The following ITIH2 variants were observed in gnomAD, a reference collection of about 807,000 sequenced individuals.
ITIH2 encodes inter-alpha-trypsin inhibitor heavy chain 2.
In ITIH2, 103 loss-of-function variants were observed where a neutral mutation model predicts 104.4. The ratio of observed to expected loss-of-function variants is 0.99; its 90% CI spans 0.84 to 1.16. The LOEUF is 1.16. ITIH2 is among the 50% of genes most tolerant of loss of function. The probability of loss-of-function intolerance (pLI) is 0.00; values close to 1 mark genes in which losing one functional copy is unlikely to be tolerated. For missense variants in ITIH2, 1,108 were observed against 1,162.4 expected, an observed-to-expected ratio of 0.95 and a Z score of 0.68; for synonymous variants, 436 against 435.4, an observed-to-expected ratio of 1.00 and a Z score of -0.02.
At chr10:7,727,454 T>C (rs1391499618) in intron 10 of ITIH2, among the ~76,000 whole-genome samples, 1 of 152,222 alleles carries the variant, frequency 6.6e-6, no homozygotes, top group African/African-American at 2.4e-5. Context: ...TTTAACAAGC[T>C]AACAGTCTGT....
At chr10:7,727,595 A>G (rs1231138910) in intron 10 of ITIH2, 108 bp from the exon 11 acceptor site, 15 of 1,301,084 alleles carry the variant, frequency 1.2e-5, no homozygotes, top group East Asian at 2.3e-5. Context: ...TTGGCATGGA[A>G]TAAGTGATGG....
chr10:7,719,874 A>T (rs1834885793), intron 6 of ITIH2, among the ~76,000 whole-genome samples: 1 of 148,088 alleles, frequency 6.8e-6, no homozygotes, highest in Non-Finnish European at 1.5e-5. Flanking sequence ...GAGCTGAATA[A>T]TGTGTACACG....
intron 16 of ITIH2, among the ~76,000 whole-genome samples, chr10:7,739,124 C>T (rs989872508): frequency 9.2e-5 from 14 of 152,242 alleles, no homozygotes; most frequent in Middle Eastern, 3.4e-3. Flanking sequence ...AATTTCTTTG[C>T]CTTTCCATTG....
intron 15 of ITIH2, among the ~76,000 whole-genome samples, chr10:7,735,381 G>A (rs1835044784): frequency 6.6e-6 from 1 of 152,080 alleles, no homozygotes; most frequent in African/African-American, 2.4e-5. Flanking sequence ...GGGCAACATA[G>A]CGAGACCCCA....
Position 7,709,051 on chromosome 10 carries a change from C to T in ITIH2, c.222C>T (p.Ser74=). 6 of 1,614,044 alleles carry T rather than the reference C, an allele frequency of 3.7e-6. No homozygotes were observed. The highest frequency in any genetic ancestry group is 5.1e-6 in the Non-Finnish European group (6 of 1,179,936). The change falls in exon 4 of 21, where the codon AGC becomes AGT. Residue 74 remains serine (S), a synonymous_variant. Transcript: ENST00000358415. ...MEEVDQVTLY[S]YKVQSTITSR... ...AGGTTGATCAAGTAACTCTTTATAG[C>T]TATAAAGTCCAGTCTACTATTACTT...
chr10:7,746,643 A>G lies in ITIH2; in HGVS notation c.2632A>G (p.Lys878Glu). Residue 878 changes from lysine to glutamate, a missense_variant, in exon 20 of 21, where the codon AAG becomes GAG. Coordinates refer to ENST00000358415, the MANE Select transcript of ITIH2 (RefSeq NM_002216.3). ...ACACATCTTCAATGAGAGACCAGGA[A>G]AGGACCCTGAGAAGCCAGAGGCCAG... is the stretch of plus-strand genomic sequence containing the variant. ...KIHIFNERPG[K>E]DPEKPEASME... The G allele has an allele frequency of 6.2e-7, 1 of 1,614,060 alleles. No homozygotes were observed. The highest frequency in any genetic ancestry group is 1.3e-5 in the African/African-American group (1 of 75,052).
In ITIH2 at chr10:7,719,124, G is replaced by A. The variant is rs111956865; in HGVS notation, c.630+1336G>A. 2.0e-3 allele frequency among the ~76,000 whole-genome samples: 301 copies of A among 152,280 alleles called. 2 individuals carry two copies. The highest frequency in any genetic ancestry group is 6.9e-3 in the African/African-American group (287 of 41,564). ...CAGGTTGTGAATTGCCCGGAGACAC[G>A]GGAGATGAAAGGGAATGAATTAATC... On this transcript the variant is annotated intron_variant, in intron 6 of 20. Transcript: ENST00000358415.
chr10:7,733,339 G>A (rs753459365), intron 14 of ITIH2, among the ~76,000 whole-genome samples: 3 of 151,386 alleles, frequency 2.0e-5, no homozygotes, highest in Non-Finnish European at 2.9e-5. Context: ...CTCATGACCC[G>A]CCTGCCTCGG....
At chr10:7,731,781 A>C in intron 12 of ITIH2, 30 bp from the exon 13 acceptor site, 4 of 1,469,676 alleles carry the variant, frequency 2.7e-6, no homozygotes, top group Non-Finnish European at 3.7e-6. Flanking sequence ...GTAGGAACAT[A>C]ATTTCTCTCT....
intron 4 of ITIH2, among the ~76,000 whole-genome samples, chr10:7,710,756 T>G (rs41527446): frequency 0.07 from 10,646 of 152,252 alleles, 386 homozygotes; most frequent in Admixed American, 0.084. Flanking sequence ...TCACTTTTTT[T>G]GTCTGCCTTT....
chr10:7,716,600 G>A (rs755043622), intron 5 of ITIH2, among the ~76,000 whole-genome samples: 5 of 151,868 alleles, frequency 3.3e-5, no homozygotes, highest in Non-Finnish European at 4.4e-5. Flanking sequence ...GCTGGGCATG[G>A]TGGCGCATGC....
At position 7,744,258 on chromosome 10, in the gene ITIH2, A is replaced by G. The variant is rs748007897; in HGVS notation, c.2386A>G (p.Thr796Ala). The change falls in exon 18 of 21, where the codon ACG (threonine) becomes GCG (alanine). Residue 796 changes from threonine to alanine, a missense_variant. Transcript: ENST00000358415. ...CACATTCTCCTTGTCCTGGTCCGAC[A>G]CGGCTCAAGTCACGAATCAGAGGCA... The part of the protein sequence containing the change: ...SSTFSLSWSD[T>A]AQVTNQRVQI... 8 of 1,614,128 alleles carry G rather than the reference A, an allele frequency of 5.0e-6. No homozygotes were observed. Among genetic ancestry groups the G allele is most frequent in the Non-Finnish European group, 6.8e-6 (8 of 1,179,990 alleles).
intron 3 of ITIH2, among the ~76,000 whole-genome samples, chr10:7,708,028 C>T (rs951192244): frequency 6.6e-6 from 1 of 152,188 alleles, no homozygotes; most frequent in African/African-American, 2.4e-5. Flanking sequence ...GTTGTGCTTC[C>T]TGCCCTGAAT....
chr10:7,738,872 G>A, intron 16 of ITIH2, 114 bp downstream of exon 16: 1 of 1,019,494 alleles, frequency 9.8e-7, no homozygotes, highest in Non-Finnish European at 1.4e-6. Flanking sequence ...CAGCACTTTG[G>A]GAGGCCAAGG....
rs1834771725 is a variant in ITIH2 at position 7,709,003 on chromosome 10, G to T, written c.193-19G>T. 1.2e-6 allele frequency: 2 copies of T among 1,608,334 alleles called. No individual in the cohort carries two copies. The highest frequency in any genetic ancestry group is 1.7e-6 in the Non-Finnish European group (2 of 1,175,094). On this transcript the variant is annotated intron_variant, in intron 3 of 20. Transcript: ENST00000358415. ...GTGATTTTTCTATCAGTACAGTTAT[G>T]CTTTCTTGCCAATTTCAGGAAGAGG...
At chr10:7,723,354 C>A in intron 8 of ITIH2, 97 bp from the exon 9 acceptor site, 1 of 804,204 alleles carries the variant, frequency 1.2e-6, no homozygotes, top group Non-Finnish European at 2.2e-6. Flanking sequence ...CTCCTCCTCC[C>A]TGTAGACCCC....
chr10:7,748,077 C>A (rs908121193), intron 20 of ITIH2, among the ~76,000 whole-genome samples: 3 of 149,632 alleles, frequency 2.0e-5, no homozygotes, highest in Admixed American at 6.7e-5. Context: ...GGTGTGGTGG[C>A]GGGCGCCTGT....
chr10:7,730,126 A>C lies in ITIH2; in HGVS notation c.1454A>C (p.Gln485Pro), dbSNP rs767666746. Residue 485 changes from glutamine (Q) to proline (P), a missense_variant, in exon 12 of 21, where the codon CAG becomes CCG. Physicochemically the swap from Gln to Pro is moderately conservative, Grantham distance 76. Transcript: ENST00000358415. ...RIYGNQDTSSQLKKFYNQVST... is the reference protein window; with the variant it reads ...RIYGNQDTSSPLKKFYNQVST... ...TATGGAAACCAGGACACGTCTTCCC[A>C]GCTTAAGGTAACATTTTCTTCTGTT... 6.3e-7 allele frequency: 1 copy of C among 1,590,956 alleles called. No homozygotes were observed. Among genetic ancestry groups the C allele is most frequent in the Admixed American group, 1.9e-5 (1 of 53,920 alleles).
Position 7,709,182 on chromosome 10 carries a change from A to C in ITIH2, c.353A>C (p.Asn118Thr). The C allele has an allele frequency of 6.2e-7, 1 of 1,614,076 alleles. No homozygotes were observed. The highest frequency in any genetic ancestry group is 1.1e-5 in the South Asian group (1 of 91,070). The change falls in exon 4 of 21, where the codon AAC becomes ACC. Residue 118 changes from asparagine (N) to threonine (T), a missense_variant. Asn to Thr is a moderately conservative substitution (Grantham distance 65, BLOSUM62 0). Coordinates refer to ENST00000358415, the MANE Select transcript of ITIH2 (RefSeq NM_002216.3). Reference protein sequence around the residue: ...VQIPKGAFISNFSMTVDGKTF... With the variant: ...VQIPKGAFISTFSMTVDGKTF... ...ATCCCCAAAGGAGCATTCATTTCCA[A>C]CTTCTCCATGTGAGTAACTTCTGTG...
Sources: gnomAD v4.1 joint callset for allele counts (sites outside exome capture counted in the v4.1 genomes callset) on GRCh38, gnomAD v4.1.1 for gene constraint, MANE v1.5 for transcripts, NCBI Gene and HGNC (gene_info 2026-07-23, HGNC 2026-07-21) for gene names.